The following PTPRD variants were observed in gnomAD, a reference collection of about 807,000 sequenced individuals.
PTPRD encodes the protein receptor-type tyrosine-protein phosphatase delta.
PTPRD carries 34 observed loss-of-function variants against 214.5 expected under a neutral mutation model. The ratio of observed to expected loss-of-function variants is 0.16; its 90% CI spans 0.12 to 0.21. The LOEUF is 0.21. Ranked by LOEUF, PTPRD falls within the 10% of genes least tolerant of loss-of-function variation. The pLI, the probability that PTPRD is intolerant of heterozygous loss-of-function variation, is 1.00. For synonymous variants in PTPRD, 1,128 were observed against 845.7 expected (o/e 1.33, Z -5.79); for missense variants, 2,545 against 2,398.7 (o/e 1.06, Z -1.27).
At chr9:9,577,107 A>G (rs1326236766) in intron 7 of PTPRD, among the ~76,000 whole-genome samples, 1 of 152,202 alleles carries the variant, frequency 6.6e-6, no homozygotes, top group Non-Finnish European at 1.5e-5. Flanking sequence ...TCCAGAAATG[A>G]TATTCAAAGT....
In PTPRD at chr9:8,367,796, A is replaced by G. The variant is rs575889709; in HGVS notation, c.4661+8140T>C. On this transcript the variant is annotated intron_variant, in intron 39 of 45. Coordinates refer to ENST00000381196, the MANE Select transcript of PTPRD (RefSeq NM_002839.4). ...TGTGAGGTAAAACAATAATTTTTAA[A>G]AGTCAGTAACTGTAAACATTTGTTG... 2.6e-5 allele frequency among the ~76,000 whole-genome samples: 4 copies of G among 152,338 alleles called. No individual in the cohort carries two copies. The East Asian group carries it at 7.7e-4, about 29-fold the overall frequency.
At chr9:8,569,468 T>A (rs2090460091) in intron 14 of PTPRD, among the ~76,000 whole-genome samples, 1 of 152,128 alleles carries the variant, frequency 6.6e-6, no homozygotes, top group Admixed American at 6.6e-5. Flanking sequence ...TCTTTCTCTT[T>A]GAGGAGGAAC....
At chr9:8,915,765 A>C (rs2098781339) in intron 11 of PTPRD, among the ~76,000 whole-genome samples, 1 of 152,182 alleles carries the variant, frequency 6.6e-6, no homozygotes, top group Non-Finnish European at 1.5e-5. Context: ...GAAAGGGTCT[A>C]CTTAGGCTTT....
At chr9:8,320,173 G>A (rs1399205095) in intron 44 of PTPRD, among the ~76,000 whole-genome samples, 1 of 152,038 alleles carries the variant, frequency 6.6e-6, no homozygotes, top group Non-Finnish European at 1.5e-5. Context: ...GAAGTAATTA[G>A]GAGTAAGTCT....
At chr9:8,847,441 T>C (rs113519438) in intron 11 of PTPRD, among the ~76,000 whole-genome samples, 3 of 152,096 alleles carry the variant, frequency 2.0e-5, no homozygotes, top group African/African-American at 7.2e-5. Flanking sequence ...GATTAACTGG[T>C]AGAAAAACAT....
chr9:9,058,829 G>T (rs1299729319), intron 10 of PTPRD, among the ~76,000 whole-genome samples: 1 of 152,072 alleles, frequency 6.6e-6, no homozygotes, highest in Non-Finnish European at 1.5e-5. Context: ...AGTAACGTAT[G>T]ACGGCAAGGT....
chr9:10,546,493 AT>A (rs3076466), intron 2 of PTPRD, among the ~76,000 whole-genome samples: 62,197 of 151,302 alleles, frequency 0.41, 15,071 homozygotes, highest in East Asian at 0.69. Context: ...AAGTAGGGGA[AT>A]TTTTTTTTTT....
At chr9:10,329,325 T>C (rs2096706506) in intron 3 of PTPRD, among the ~76,000 whole-genome samples, 1 of 151,900 alleles carries the variant, frequency 6.6e-6, no homozygotes, top group Non-Finnish European at 1.5e-5. Context: ...CATGACTTAT[T>C]TCAAGAAAGC....
intron 5 of PTPRD, among the ~76,000 whole-genome samples, chr9:9,798,477 G>T (rs1181426611): frequency 6.6e-6 from 1 of 152,166 alleles, no homozygotes; most frequent in Non-Finnish European, 1.5e-5. Flanking sequence ...CTGTGTCCTT[G>T]TGTCTTCAGA....
chr9:8,878,660 T>C (rs10118071), intron 11 of PTPRD, among the ~76,000 whole-genome samples: 25,040 of 152,126 alleles, frequency 0.16, 2,620 homozygotes, highest in East Asian at 0.34. Context: ...CCTGAGTAGC[T>C]GGAATTACAG....
At chr9:8,453,389 C>A (rs1055120751) in intron 33 of PTPRD, among the ~76,000 whole-genome samples, 3 of 152,172 alleles carry the variant, frequency 2.0e-5, no homozygotes, top group Non-Finnish European at 4.4e-5. Flanking sequence ...TGGTCTCGAT[C>A]TCCTGACCTT....
intron 4 of PTPRD, among the ~76,000 whole-genome samples, chr9:9,948,290 A>G (rs577383899): frequency 2.0e-5 from 3 of 152,080 alleles, no homozygotes; most frequent in Admixed American, 6.6e-5. Context: ...CTGTATCTCA[A>G]TTTTTAAAAA....
chr9:10,339,823 C>A (rs1051229178), intron 3 of PTPRD, among the ~76,000 whole-genome samples: 1 of 151,602 alleles, frequency 6.6e-6, no homozygotes, highest in Non-Finnish European at 1.5e-5. Flanking sequence ...ACAATAATAA[C>A]AAAACAACAC....
chr9:8,891,898 T>C (rs1276488629), intron 11 of PTPRD, among the ~76,000 whole-genome samples: 1 of 152,196 alleles, frequency 6.6e-6, no homozygotes, highest in Non-Finnish European at 1.5e-5. Flanking sequence ...TCTATGTCTC[T>C]TGTATAAGAC....
At chr9:9,934,700 G>C (rs1037682074) in intron 5 of PTPRD, among the ~76,000 whole-genome samples, 1 of 151,346 alleles carries the variant, frequency 6.6e-6, no homozygotes, top group Non-Finnish European at 1.5e-5. Flanking sequence ...AACAGAAAAA[G>C]AGGGAATCCT....
At chr9:8,553,856 A>C (rs1010653499) in intron 14 of PTPRD, among the ~76,000 whole-genome samples, 9 of 152,276 alleles carry the variant, frequency 5.9e-5, no homozygotes, top group African/African-American at 2.2e-4. Flanking sequence ...TGGTACAAAA[A>C]AGAAGGCGGC....
chr9:8,631,098 T>A (rs2096238552), intron 14 of PTPRD, among the ~76,000 whole-genome samples: 1 of 151,858 alleles, frequency 6.6e-6, no homozygotes, highest in Non-Finnish European at 1.5e-5. Context: ...TATGAACACC[T>A]GAAAAATGAC....
intron 11 of PTPRD, among the ~76,000 whole-genome samples, chr9:8,951,161 G>GTGTGTGTGTGTGTA (rs1356654833): frequency 1.3e-4 from 20 of 150,132 alleles, no homozygotes; most frequent in Admixed American, 1.3e-4. Flanking sequence ...GTGTGTGTAA[G>GTGTGTGTGTGTGTA]AGAGAGAGAG....
chr9:8,635,289 T>C (rs1375220004), intron 13 of PTPRD, among the ~76,000 whole-genome samples: 1 of 151,578 alleles, frequency 6.6e-6, no homozygotes, highest in African/African-American at 2.4e-5. Context: ...CAGGAGCCAT[T>C]GTCATTAGAA....
Sources: allele counts gnomAD v4.1 joint callset (sites outside exome capture counted in the v4.1 genomes callset), GRCh38; gene constraint gnomAD v4.1.1; transcripts MANE v1.5; gene names NCBI Gene and HGNC (gene_info 2026-07-23, HGNC 2026-07-21).